TGFBI: variants seen among roughly 807,000 people sequenced by gnomAD.
The protein encoded by TGFBI is transforming growth factor beta induced, also known as transforming growth factor-beta-induced protein ig-h3.
Under a neutral mutation model 73.7 loss-of-function variants are expected in TGFBI, and 50 were observed. The observed-to-expected ratio is 0.68, with a 90% CI of 0.54 to 0.86. TGFBI has a LOEUF of 0.86. TGFBI is among the 40% of genes least tolerant of loss of function. TGFBI has a pLI of 0.00. For synonymous variants in TGFBI, 362 were observed against 360.5 expected (o/e 1.00, Z -0.05); for missense variants, 839 against 877.0 (o/e 0.96, Z 0.55).
At chr5:136,037,810 G>A (rs1177341451) in intron 2 of TGFBI, among the ~76,000 whole-genome samples, 1 of 152,230 alleles carries the variant, frequency 6.6e-6, no homozygotes, top group Non-Finnish European at 1.5e-5. Flanking sequence ...AAAGAGATCA[G>A]CTGGTGCATG....
intron 7 of TGFBI, among the ~76,000 whole-genome samples, chr5:136,050,693 C>A (rs11959305): frequency 0.035 from 5,320 of 152,270 alleles, 142 homozygotes; most frequent in Non-Finnish European, 0.055. Flanking sequence ...CTATTTAAAC[C>A]CACCGTGTCA....
At chr5:136,061,700 C>T (rs1751752135) in intron 15 of TGFBI, 121 bp downstream of exon 15, 1 of 798,246 alleles carries the variant, frequency 1.3e-6, no homozygotes, top group Admixed American at 2.0e-5. Context: ...CTTAAAACTT[C>T]TCCCCACTCC....
At chr5:136,046,529 A>T in intron 4 of TGFBI, 34 bp downstream of exon 4, 1 of 1,568,898 alleles carries the variant, frequency 6.4e-7, no homozygotes, top group Non-Finnish European at 8.7e-7. Flanking sequence ...GGGGACTCTT[A>T]TGGGGAACTG....
chr5:136,044,887 T>C (rs1751401146), intron 3 of TGFBI: 1 of 152,258 alleles, frequency 6.6e-6, no homozygotes, highest in Non-Finnish European at 1.5e-5. Context: ...TATTTGCATG[T>C]AATCTATGCA....
Position 136,046,981 on chromosome 5 carries a change from A to T in TGFBI, c.590A>T (p.Asn197Ile). ...ATGACCCTCACCTCTATGTACCAGA[A>T]TTCCAACATCCAGATCCACCACTAT... ...HGMTLTSMYQNSNIQIHHYPN... is the reference protein window; with the variant it reads ...HGMTLTSMYQISNIQIHHYPN... Residue 197 changes from asparagine to isoleucine, a missense_variant, in exon 5 of 17, where the codon AAT (asparagine) becomes ATT (isoleucine). By Grantham distance (149) the Asn-to-Ile change is moderately radical. Transcript: ENST00000442011. The T allele has an allele frequency of 6.2e-7, 1 of 1,613,458 alleles. No individual in the cohort carries two copies. The highest frequency in any genetic ancestry group is 8.5e-7 in the Non-Finnish European group (1 of 1,179,860).
intron 13 of TGFBI, among the ~76,000 whole-genome samples, chr5:136,059,863 AG>A (rs1228820770): frequency 1.1e-4 from 17 of 152,152 alleles, no homozygotes; most frequent in Non-Finnish European, 2.2e-4. Flanking sequence ...CGAGGAGCAT[AG>A]GAAGATATGC....
At chr5:136,050,377 C>A (rs1040731841) in intron 7 of TGFBI, among the ~76,000 whole-genome samples, 1 of 151,702 alleles carries the variant, frequency 6.6e-6, no homozygotes, top group African/African-American at 2.4e-5. Context: ...ACTTTTGACT[C>A]TCCATTTCAG....
chr5:136,040,803 C>A (rs1356681584), intron 2 of TGFBI, among the ~76,000 whole-genome samples: 2 of 152,182 alleles, frequency 1.3e-5, no homozygotes, highest in Non-Finnish European at 2.9e-5. Context: ...CTGGGAAGCC[C>A]CCTATTGTTT....
chr5:136,055,531 C>A, intron 10 of TGFBI, 149 bp from the exon 11 acceptor site: 1 of 655,266 alleles, frequency 1.5e-6, no homozygotes, highest in Non-Finnish European at 2.2e-6. Flanking sequence ...GGAGAAAATA[C>A]ATCATTTTAT....
chr5:136,055,832 C>T lies in TGFBI; in HGVS notation c.1547+16C>T. 5.7e-6 allele frequency: 9 copies of T among 1,589,670 alleles called. No homozygotes were observed. The highest frequency in any genetic ancestry group is 7.7e-6 in the Non-Finnish European group (9 of 1,162,984). On this transcript the variant is annotated intron_variant, in intron 11 of 16. Transcript: ENST00000442011. ...ATCGCTTTAGGTAATTAGTTCCATC[C>T]CCGGGTGGAGCTTCTGCCCAGTGGT...
intron 2 of TGFBI, among the ~76,000 whole-genome samples, chr5:136,041,544 A>G (rs1349439291): frequency 2.0e-5 from 3 of 152,170 alleles, no homozygotes; most frequent in African/African-American, 7.2e-5. Context: ...AGCAATGGAA[A>G]AAGGATTGGA....
chr5:136,044,154 T>TGTGGGTGGAAGGGAATGGTGGGA, intron 3 of TGFBI, 32 bp downstream of exon 3: 1 of 1,589,226 alleles, frequency 6.3e-7, no homozygotes, highest in Non-Finnish European at 8.6e-7. Context: ...TGCCTGTTGG[T>TGTGGGTGGAAGGGAATGGTGGGA]GTGGGTGGAA....
At chr5:136,051,756 C>T (rs1031991141) in intron 7 of TGFBI, among the ~76,000 whole-genome samples, 2 of 152,194 alleles carry the variant, frequency 1.3e-5, no homozygotes, top group Non-Finnish European at 1.5e-5. Flanking sequence ...CTGGCAGGTT[C>T]CTCTACCACA....
chr5:136,044,159 G>T, intron 3 of TGFBI, 37 bp downstream of exon 3: 1 of 1,573,322 alleles, frequency 6.4e-7, no homozygotes. Context: ...GTTGGTGTGG[G>T]TGGAAGGGAA....
chr5:136,034,894 T>G (rs1431964712), intron 2 of TGFBI, among the ~76,000 whole-genome samples: 3 of 152,224 alleles, frequency 2.0e-5, no homozygotes, highest in Admixed American at 1.3e-4. Context: ...CTTAAGCACT[T>G]TTCAATGTTA....
At chr5:136,039,626 A>C (rs1242201664) in intron 2 of TGFBI, among the ~76,000 whole-genome samples, 1 of 152,214 alleles carries the variant, frequency 6.6e-6, no homozygotes, top group Non-Finnish European at 1.5e-5. Context: ...GGAACTGAGG[A>C]GACACAGTCA....
chr5:136,044,217 G>A, intron 3 of TGFBI, 95 bp downstream of exon 3: 1 of 1,064,432 alleles, frequency 9.4e-7, no homozygotes, highest in South Asian at 1.3e-5. Flanking sequence ...AGTGTGAATG[G>A]GGGCAGTGGC....
In TGFBI at chr5:136,059,199, G is replaced by A. The variant is rs1486130718; in HGVS notation, c.1788G>A (p.Lys596=). Residue 596 remains lysine (K), a synonymous_variant, in exon 13 of 17, where the codon AAG becomes AAA. Transcript: ENST00000442011. The part of the protein sequence containing the change: ...LVRLKSLQGD[K]LEVSLKNNVV... ...GGCTAAAGTCTCTCCAAGGTGACAA[G>A]CTGGAAGTCAGCTTGGTAAGTGTCC... 6.2e-7 allele frequency: 1 copy of A among 1,610,254 alleles called. No homozygotes were observed. Among genetic ancestry groups the A allele is most frequent in the South Asian group, 1.1e-5 (1 of 89,804 alleles).
chr5:136,031,776 A>G (rs1312538327), intron 1 of TGFBI, among the ~76,000 whole-genome samples: 1 of 152,210 alleles, frequency 6.6e-6, no homozygotes, highest in African/African-American at 2.4e-5. Context: ...GAGGCCCAGA[A>G]GCAACTTGCT....
Sources: gnomAD v4.1 joint callset for allele counts (sites outside exome capture counted in the v4.1 genomes callset) on GRCh38, gnomAD v4.1.1 for gene constraint, MANE v1.5 for transcripts, NCBI Gene and HGNC (gene_info 2026-07-23, HGNC 2026-07-21) for gene names.